The following CARMIL1 variants were observed in gnomAD, a reference collection of about 807,000 sequenced individuals.
CARMIL1 encodes F-actin-uncapping protein LRRC16A.
In CARMIL1, 90 loss-of-function variants were observed where a neutral mutation model predicts 177.1. That is an observed-to-expected ratio of 0.51 (90% CI 0.43 to 0.61). CARMIL1 has a LOEUF of 0.61. Among genes scored for constraint, CARMIL1 ranks in the 20% least tolerant of loss-of-function variants. CARMIL1 has a pLI of 0.00. For synonymous variants in CARMIL1, 577 were observed against 606.2 expected (o/e 0.95, Z 0.71); for missense variants, 1,380 against 1,667.0 (o/e 0.83, Z 3.00).
chr6:25,368,749 A>G (rs947485612), intron 2 of CARMIL1, among the ~76,000 whole-genome samples: 12 of 152,174 alleles, frequency 7.9e-5, no homozygotes, highest in African/African-American at 2.7e-4. Context: ...TGTGGAATTA[A>G]TGAGATTTTA....
intron 2 of CARMIL1, among the ~76,000 whole-genome samples, chr6:25,378,305 G>A (rs1279072981): frequency 1.3e-5 from 2 of 152,172 alleles, no homozygotes; most frequent in African/African-American, 4.8e-5. Context: ...ACTGCCCCAG[G>A]CCATTAGCCT....
Position 25,450,674 on chromosome 6 carries a change from G to T in CARMIL1, c.577G>T (p.Glu193Ter). The T allele has an allele frequency of 6.2e-7, 1 of 1,606,910 alleles. No homozygotes were observed. The change falls in exon 8 of 37, where the codon GAA becomes TAA. Residue 193 changes from glutamate (E) to a stop codon, truncating the protein, a stop_gained. Coordinates refer to ENST00000329474, the MANE Select transcript of CARMIL1 (RefSeq NM_017640.6). LOFTEE classifies it high-confidence loss of function. ...AATTTATCTTACCCAAGACACCAGG[G>T]AATTGAATTTACAAGATTTTAGTCA... ...DTIYLTQDTR[E>*]LNLQDFSHLD...
rs374062931 is a variant in CARMIL1 at position 25,357,765 on chromosome 6, CTTAAG to C, written c.139-62344_139-62340del. 2.7e-3 allele frequency among the ~76,000 whole-genome samples: 405 copies of C among 152,266 alleles called. 1 individual carries two copies. The highest frequency in any genetic ancestry group is 8.7e-3 in the African/African-American group (361 of 41,564). On this transcript the variant is annotated intron_variant, in intron 2 of 36. Coordinates refer to ENST00000329474, the MANE Select transcript of CARMIL1 (RefSeq NM_017640.6). The stretch of plus-strand genomic sequence containing the variant: ...TGAAATAAGAAGCTTGAACTACTTT[CTTAAG>C]TTAAAAGTGCCTTTTCAGCAAGTAG...
intron 23 of CARMIL1, among the ~76,000 whole-genome samples, chr6:25,524,286 A>G (rs1316481227): frequency 6.6e-6 from 1 of 152,224 alleles, no homozygotes; most frequent in Non-Finnish European, 1.5e-5. Flanking sequence ...ATAAGATTAT[A>G]GAATACTTCC....
chr6:25,505,728 C>T (rs143280092), intron 17 of CARMIL1, among the ~76,000 whole-genome samples: 184 of 152,308 alleles, frequency 1.2e-3, no homozygotes, highest in African/African-American at 4.3e-3. Context: ...GCTGGGATTA[C>T]AGGTATGAGC....
chr6:25,336,570 G>T (rs1249403377), intron 2 of CARMIL1, among the ~76,000 whole-genome samples: 2 of 152,112 alleles, frequency 1.3e-5, no homozygotes, highest in African/African-American at 2.4e-5. Context: ...TTGTTTTAGG[G>T]TTAAATGACT....
chr6:25,488,792 T>C (rs186399185), intron 13 of CARMIL1, among the ~76,000 whole-genome samples: 3 of 152,298 alleles, frequency 2.0e-5, no homozygotes. Flanking sequence ...CAATTATTTT[T>C]TTTTCTCATT....
chr6:25,445,445 T>C (rs953235675), intron 5 of CARMIL1, among the ~76,000 whole-genome samples: 4 of 152,168 alleles, frequency 2.6e-5, no homozygotes, highest in African/African-American at 9.7e-5. Flanking sequence ...ATGATGGTGA[T>C]TTTTTTCTGA....
intron 35 of CARMIL1, 121 bp downstream of exon 35, chr6:25,606,394 G>T: frequency 2.4e-6 from 2 of 830,620 alleles, no homozygotes; most frequent in Non-Finnish European, 3.7e-6. Context: ...GCTTCTGCAG[G>T]AGGGGATCAC....
chr6:25,585,199 G>A (rs1485830102), intron 31 of CARMIL1, among the ~76,000 whole-genome samples: 1 of 148,504 alleles, frequency 6.7e-6, no homozygotes, highest in East Asian at 1.9e-4. Context: ...CTGCCACACA[G>A]GCACCATTAT....
intron 26 of CARMIL1, among the ~76,000 whole-genome samples, chr6:25,547,552 C>T (rs1413460357): frequency 6.6e-6 from 1 of 152,154 alleles, no homozygotes; most frequent in Non-Finnish European, 1.5e-5. Context: ...TATACCCGTA[C>T]TTAGTGAGTC....
intron 12 of CARMIL1, among the ~76,000 whole-genome samples, chr6:25,485,311 A>C (rs1802527489): frequency 6.6e-6 from 1 of 152,214 alleles, no homozygotes; most frequent in Non-Finnish European, 1.5e-5. Flanking sequence ...CCCTTTACAA[A>C]TAAGGGTCCT....
chr6:25,472,364 A>T, intron 10 of CARMIL1, 63 bp from the exon 11 acceptor site: 2 of 1,138,326 alleles, frequency 1.8e-6, no homozygotes, highest in Non-Finnish European at 2.6e-6. Context: ...TCTAAGCTTT[A>T]AATGTTCCGT....
At chr6:25,549,093 C>T (rs1809806247) in intron 26 of CARMIL1, among the ~76,000 whole-genome samples, 1 of 152,192 alleles carries the variant, frequency 6.6e-6, no homozygotes, top group African/African-American at 2.4e-5. Context: ...GTTATGTGAT[C>T]ATGGAGCAGA....
intron 23 of CARMIL1, among the ~76,000 whole-genome samples, chr6:25,526,210 G>A (rs1807109988): frequency 6.6e-6 from 1 of 151,690 alleles, no homozygotes. Flanking sequence ...AGGCGTGGTG[G>A]TGGGCACCTG....
chr6:25,537,018 G>A (rs556095472), intron 24 of CARMIL1, among the ~76,000 whole-genome samples: 1 of 152,260 alleles, frequency 6.6e-6, no homozygotes, highest in African/African-American at 2.4e-5. Context: ...TTTTTCTTCA[G>A]ACTTCTTGGC....
intron 12 of CARMIL1, among the ~76,000 whole-genome samples, chr6:25,486,145 C>T (rs1802631230): frequency 6.6e-6 from 1 of 152,154 alleles, no homozygotes; most frequent in South Asian, 2.1e-4. Context: ...AATCACTAGA[C>T]AGCCAGAATC....
intron 14 of CARMIL1, 41 bp downstream of exon 14, chr6:25,491,850 C>T: frequency 6.5e-7 from 1 of 1,527,162 alleles, no homozygotes; most frequent in Non-Finnish European, 9.0e-7. Context: ...TGAGGGGTCT[C>T]AGAAGAGCTA....
intron 23 of CARMIL1, among the ~76,000 whole-genome samples, chr6:25,525,218 T>C (rs904856563): frequency 1.3e-5 from 2 of 151,688 alleles, no homozygotes; most frequent in African/African-American, 4.8e-5. Flanking sequence ...AAAGAGAAAA[T>C]CTTTAGAGAA....
Sources: gnomAD v4.1 joint callset for allele counts (sites outside exome capture counted in the v4.1 genomes callset) on GRCh38, gnomAD v4.1.1 for gene constraint, MANE v1.5 for transcripts, NCBI Gene and HGNC (gene_info 2026-07-23, HGNC 2026-07-21) for gene names.